Variants in PRRG3 observed in about 807,000 individuals in gnomAD.
PRRG3 encodes proline rich and Gla domain 3.
Under a neutral mutation model 15.8 loss-of-function variants are expected in PRRG3, and 21 were observed. The ratio of observed to expected loss-of-function variants is 1.33; its 90% confidence interval spans 0.94 to 1.92. The LOEUF (loss-of-function observed/expected upper bound fraction) is 1.92. Ranked by LOEUF, PRRG3 falls within the 40% of genes most tolerant of loss-of-function variation. The pLI, the probability that PRRG3 is intolerant of heterozygous loss-of-function variation, is 0.00. For missense variants in PRRG3, 251 were observed against 200.2 expected, an observed-to-expected ratio of 1.25 and a Z score of -1.53; for synonymous variants, 125 against 84.1, an observed-to-expected ratio of 1.49 and a Z score of -2.66.
rs1372948639 is a variant in PRRG3 at position 151,700,809 on chromosome X, G to A, written c.472G>A (p.Val158Met). ...AGAGGCAGCGAACAGCCCCCAGGTG[G>A]TGCTGGGGCCCAGTCGGGGGGGCAG... Reference protein sequence around the residue: ...HREAANSPQVVLGPSRGGRTT... With the variant: ...HREAANSPQVMLGPSRGGRTT... Residue 158 changes from valine to methionine, a missense_variant, in exon 4 of 4, where the codon GTG becomes ATG. Coordinates refer to ENST00000674457, the MANE Select transcript of PRRG3 (RefSeq NM_001372163.1). 2 of 1,192,473 alleles carry A rather than the reference G, an allele frequency of 1.7e-6. No individual in the cohort carries two copies. Among genetic ancestry groups the A allele is most frequent in the Non-Finnish European group, 2.3e-6 (2 of 884,078 alleles).
In PRRG3 at chrX:151,704,675, T is replaced by C. The variant is rs1331040564; in HGVS notation, c.*3642T>C. 3 of 111,831 alleles carry C rather than the reference T, an allele frequency of 2.7e-5. No homozygotes were observed. Among genetic ancestry groups the C allele is most frequent in the African/African-American group, 6.5e-5 (2 of 30,535 alleles). 9.2% of individuals were successfully genotyped at this position (111,831 alleles called of 1,213,427 possible). ...CACTCACAGTTGAGGCTGAGATGGA[T>C]ATCTTGGCAGCAGAGCTGCTGGTCT... On this transcript the variant is annotated 3_prime_UTR_variant, in exon 4 of 4. Coordinates refer to ENST00000674457, the MANE Select transcript of PRRG3 (RefSeq NM_001372163.1).
chrX:151,697,240 A>G (rs1210875325), intron 1 of PRRG3, among the ~76,000 whole-genome samples: 2 of 107,972 alleles, frequency 1.9e-5, no homozygotes, highest in Non-Finnish European at 3.8e-5. Context: ...GCTCACTTCA[A>G]TCTCCGCCTC....
Position 151,704,579 on chromosome X carries a change from G to A in PRRG3, c.*3546G>A, listed in dbSNP as rs2014948290. Reference sequence around the variant, plus strand: ...TATTTTGTCCAAGAGAGAGATCATGGAGAGAGTCTCTCTCGCTCACGGAGG... The same window carrying A: ...TATTTTGTCCAAGAGAGAGATCATGAAGAGAGTCTCTCTCGCTCACGGAGG... On this transcript the variant is annotated 3_prime_UTR_variant, in exon 4 of 4. Coordinates refer to ENST00000674457, the MANE Select transcript of PRRG3 (RefSeq NM_001372163.1). The A allele has an allele frequency of 9.0e-6, 1 of 111,246 alleles. No homozygotes were observed. The highest frequency in any genetic ancestry group is 1.9e-5 in the Non-Finnish European group (1 of 53,039). 9.2% of individuals were successfully genotyped at this position (111,246 alleles called of 1,213,427 possible).
At chrX:151,698,904 C>T (rs2014812764) in intron 2 of PRRG3, 83 bp downstream of exon 2, 1 of 938,231 alleles carries the variant, frequency 1.1e-6, no homozygotes. Flanking sequence ...TTCCCAGCTT[C>T]CCTGCCCCCT....
At chrX:151,698,657 C>G (rs1366781199) in intron 1 of PRRG3, 127 bp from the exon 2 acceptor site, 1 of 455,107 alleles carries the variant, frequency 2.2e-6, no homozygotes, top group African/African-American at 2.5e-5. Context: ...GGACGACGCA[C>G]CCCACAAGGT....
In PRRG3 at chrX:151,700,124, G is replaced by GT. The variant is rs1364045257; in HGVS notation, c.137dup (p.Lys47GlnfsTer5). Reference sequence around the variant, plus strand: ...GGAGGAGATCTGCAGCTACGAGGAGGTCAAGGAAGTGTTTGAGAACAAAGA... The same window carrying GT: ...GGAGGAGATCTGCAGCTACGAGGAGGTTCAAGGAAGTGTTTGAGAACAAAGA... On this transcript the variant is annotated frameshift_variant, in exon 3 of 4. Coordinates refer to ENST00000674457, the MANE Select transcript of PRRG3 (RefSeq NM_001372163.1). LOFTEE classifies it high-confidence loss of function. 1 of 1,211,968 alleles carries GT rather than the reference G, an allele frequency of 8.3e-7. No homozygotes were observed. The highest frequency in any genetic ancestry group is 1.8e-5 in the South Asian group (1 of 56,988).
At position 151,701,048 on chromosome X, in the gene PRRG3, C is replaced by A; in HGVS notation, c.*15C>A. 1 of 1,116,708 alleles carries A rather than the reference C, an allele frequency of 9.0e-7. No individual in the cohort carries two copies. Among genetic ancestry groups the A allele is most frequent in the Non-Finnish European group, 1.2e-6 (1 of 847,735 alleles). 92.0% of individuals were successfully genotyped at this position (1,116,708 alleles called of 1,213,427 possible). A position where few individuals can be genotyped will look rare whatever the true frequency, so the allele number is the denominator to read the frequency against. ...CTGACAAGTAGTGGGACGTTTGTGC[C>A]CTGTCCTGGATGAACGCCTCTTTCC... On this transcript the variant is annotated 3_prime_UTR_variant, in exon 4 of 4. Coordinates refer to ENST00000674457, the MANE Select transcript of PRRG3 (RefSeq NM_001372163.1).
intron 2 of PRRG3, 98 bp downstream of exon 2, chrX:151,698,919 C>T: frequency 1.3e-6 from 1 of 788,063 alleles, no homozygotes; most frequent in South Asian, 2.6e-5. Flanking sequence ...CCCCCTACCC[C>T]CCAAGTGGGC....
At position 151,703,856 on chromosome X, in the gene PRRG3, G is replaced by GT. The variant is rs2014926064; in HGVS notation, c.*2823_*2824insT. ...AAGAAATCTGAGTACTCCTGGGCAT[G>GT]GTTTTTTTTTTTTTTTTTTTTTTTT... On this transcript the variant is annotated 3_prime_UTR_variant, in exon 4 of 4. Transcript: ENST00000674457. 2.2e-4 allele frequency: 2 copies of GT among 8,957 alleles called. 1 individual carries two copies. Among genetic ancestry groups the GT allele is most frequent in the Non-Finnish European group, 1.3e-3 (2 of 1,539 alleles). The allele number at this position is 8,957 out of a possible 1,213,427, so 0.7% of individuals were successfully genotyped here.
Position 151,697,077 on chromosome X carries a change from C to CTCCT in PRRG3, c.-32+1550_-32+1553dup, listed in dbSNP as rs1353224699. On this transcript the variant is annotated intron_variant, in intron 1 of 3. Coordinates refer to ENST00000674457, the MANE Select transcript of PRRG3 (RefSeq NM_001372163.1). ...CTTTCCTTCCTCCTTCCCTTCCCTT[C>CTCCT]TCCTTCCTTCCTTCCTTCCTCCCTC... Among the ~76,000 whole-genome samples the CTCCT allele has an allele frequency of 6.5e-4, 27 of 41,774 alleles. No homozygotes were observed. The East Asian group carries it at 8.3e-3, about 13-fold the overall frequency. The allele number at this position is 41,774 out of a possible 115,157, so 36.3% of individuals were successfully genotyped here. A position where few individuals can be genotyped will look rare whatever the true frequency, so the allele number is the denominator to read the frequency against.
In PRRG3 at chrX:151,700,926, G is replaced by T; in HGVS notation, c.589G>T (p.Val197Leu). Residue 197 changes from valine (V) to leucine (L), a missense_variant, in exon 4 of 4, where the codon GTG becomes TTG. Transcript: ENST00000674457. Reference sequence around the variant, plus strand: ...CACCCCTCCCCCCTCCTACGAGGAGGTGACTGCGCCCCAAGAGAGCAGCAG... The same window carrying T: ...CACCCCTCCCCCCTCCTACGAGGAGTTGACTGCGCCCCAAGAGAGCAGCAG... ...STTPPPSYEE[V>L]TAPQESSSEE... 8.3e-7 allele frequency: 1 copy of T among 1,211,017 alleles called. No individual in the cohort carries two copies. The highest frequency in any genetic ancestry group is 3.0e-5 in the East Asian group (1 of 33,799).
chrX:151,696,838 A>T (rs1290100173), intron 1 of PRRG3, among the ~76,000 whole-genome samples: 1 of 111,734 alleles, frequency 8.9e-6, no homozygotes, highest in Non-Finnish European at 1.9e-5. Flanking sequence ...CTCACAAGGC[A>T]GGCCATCTGT....
At chrX:151,695,908 G>C (rs768303406) in intron 1 of PRRG3, among the ~76,000 whole-genome samples, 9 of 111,615 alleles carry the variant, frequency 8.1e-5, no homozygotes, top group African/African-American at 2.6e-4. Flanking sequence ...TAAAGTCTAG[G>C]GTTTGGAGAA....
rs958575295 is a variant in PRRG3, at chrX:151,701,602, C to T, written c.*569C>T. 1.8e-5 allele frequency: 2 copies of T among 112,647 alleles called. No homozygotes were observed. Among genetic ancestry groups the T allele is most frequent in the African/African-American group, 6.5e-5 (2 of 30,980 alleles). 9.3% of individuals were successfully genotyped at this position (112,647 alleles called of 1,213,427 possible). ...TTAACACAATAGAACAAAACTCTAG[C>T]ACCCGGGCCGTTCATAGGAGGCCAA... On this transcript the variant is annotated 3_prime_UTR_variant, in exon 4 of 4. Transcript: ENST00000674457.
At chrX:151,696,050 T>G (rs2014754914) in intron 1 of PRRG3, among the ~76,000 whole-genome samples, 1 of 110,807 alleles carries the variant, frequency 9.0e-6, no homozygotes, top group African/African-American at 3.3e-5. Flanking sequence ...TTAAGCAAGG[T>G]CTTTGTGGTG....
intron 1 of PRRG3, among the ~76,000 whole-genome samples, chrX:151,696,265 T>G (rs972729693): frequency 1.8e-5 from 2 of 111,502 alleles, no homozygotes; most frequent in African/African-American, 6.5e-5. Flanking sequence ...AGTAACTGTC[T>G]ACTGATGGTG....
upstream of PRRG3, chrX:151,695,382 G>A (rs1355737339): frequency 9.0e-6 from 1 of 111,463 alleles, no homozygotes; most frequent in Non-Finnish European, 1.9e-5. Context: ...GGAGGGCAGC[G>A]GGGAGGGGAG....
chrX:151,697,728 G>A (rs2014792022), intron 1 of PRRG3, among the ~76,000 whole-genome samples: 1 of 108,226 alleles, frequency 9.2e-6, no homozygotes, highest in Non-Finnish European at 1.9e-5. Context: ...TCAAACCAGA[G>A]CTTCTGCTTG....
chrX:151,703,316 C>T lies in PRRG3; in HGVS notation c.*2283C>T, dbSNP rs1477063446. The stretch of plus-strand genomic sequence containing the variant: ...TGTAGAAAAAAGACTGTACAGCACA[C>T]AGCAGGCATCACTCCTTGCGATGCA... On this transcript the variant is annotated 3_prime_UTR_variant, in exon 4 of 4. Coordinates refer to ENST00000674457, the MANE Select transcript of PRRG3 (RefSeq NM_001372163.1). The T allele has an allele frequency of 8.9e-6, 1 of 112,350 alleles. No individual in the cohort carries two copies. Among genetic ancestry groups the T allele is most frequent in the East Asian group, 2.8e-4 (1 of 3,587 alleles). 9.3% of individuals were successfully genotyped at this position (112,350 alleles called of 1,213,427 possible).
Sources: allele counts gnomAD v4.1 joint callset (sites outside exome capture counted in the v4.1 genomes callset), GRCh38; gene constraint gnomAD v4.1.1; transcripts MANE v1.5; gene names NCBI Gene and HGNC (gene_info 2026-07-23, HGNC 2026-07-21).